CYTH3: variants seen among roughly 807,000 people sequenced by gnomAD.
The protein encoded by CYTH3 is cytohesin-3.
In CYTH3, 23 loss-of-function variants were observed where a neutral mutation model predicts 55.1. That is an observed-to-expected ratio of 0.42 (90% CI 0.30 to 0.59). The LOEUF is 0.59. CYTH3 is among the 20% of genes least tolerant of loss of function. The pLI is 0.20. For missense variants in CYTH3, 413 were observed against 524.8 expected, an observed-to-expected ratio of 0.79 and a Z score of 2.08; for synonymous variants, 249 against 194.9, an observed-to-expected ratio of 1.28 and a Z score of -2.31.
rs10266841 is a variant in CYTH3, at chr7:6,164,589, C to A, written c.*355G>T. 22 of 310,670 alleles carry A rather than the reference C, an allele frequency of 7.1e-5. No individual in the cohort carries two copies. The highest frequency in any genetic ancestry group is 6.2e-4 in the East Asian group (8 of 12,870). 19.2% of individuals were successfully genotyped at this position (310,670 alleles called of 1,614,324 possible). On this transcript the variant is annotated 3_prime_UTR_variant, in exon 13 of 13. Coordinates refer to ENST00000350796, the MANE Select transcript of CYTH3 (RefSeq NM_004227.4). Reference sequence around the variant, plus strand: ...ATCCGTCCCGTGTCTGCTGTGGAGACAGCGGAAGCTGCTGTCCTGGCTTCT... The same window carrying A: ...ATCCGTCCCGTGTCTGCTGTGGAGAAAGCGGAAGCTGCTGTCCTGGCTTCT...
intron 1 of CYTH3, among the ~76,000 whole-genome samples, chr7:6,269,165 G>C (rs76191933): frequency 0.076 from 11,619 of 152,150 alleles, 1,221 homozygotes; most frequent in African/African-American, 0.24. Context: ...GCCTGCAGGG[G>C]TGAGTCCCTG....
intron 1 of CYTH3, among the ~76,000 whole-genome samples, chr7:6,195,147 G>C (rs983786531): frequency 6.6e-6 from 1 of 152,054 alleles, no homozygotes; most frequent in Non-Finnish European, 1.5e-5. Flanking sequence ...TAAAAAAAGA[G>C]AACAAATTTA....
intron 1 of CYTH3, among the ~76,000 whole-genome samples, chr7:6,192,780 G>A (rs950778173): frequency 1.7e-4 from 25 of 149,408 alleles, no homozygotes; most frequent in East Asian, 1.0e-3. Flanking sequence ...TGATCCACCC[G>A]TCTTGGCCTC....
chr7:6,237,259 A>T (rs1779547556), intron 1 of CYTH3, among the ~76,000 whole-genome samples: 1 of 152,232 alleles, frequency 6.6e-6, no homozygotes, highest in Non-Finnish European at 1.5e-5. Flanking sequence ...TGCCGCAGGG[A>T]ACACAGTTGC....
At chr7:6,251,190 G>A (rs542006676) in intron 1 of CYTH3, among the ~76,000 whole-genome samples, 3 of 152,204 alleles carry the variant, frequency 2.0e-5, no homozygotes, top group Non-Finnish European at 2.9e-5. Context: ...CAGGAGAATC[G>A]CGTGAATCCA....
chr7:6,204,407 T>C (rs1033678276), intron 1 of CYTH3, among the ~76,000 whole-genome samples: 4 of 152,142 alleles, frequency 2.6e-5, no homozygotes, highest in African/African-American at 7.2e-5. Flanking sequence ...ACAGAGGCAG[T>C]GTACAGGATT....
At chr7:6,187,217 G>A (rs1338805936) in intron 3 of CYTH3, 101 bp from the exon 4 acceptor site, 10 of 1,312,246 alleles carry the variant, frequency 7.6e-6, no homozygotes, top group Non-Finnish European at 1.1e-5. Context: ...CGGGCTCAAG[G>A]AAGCGAAGCA....
chr7:6,187,037 A>G lies in CYTH3; in HGVS notation c.249+13T>C. The G allele has an allele frequency of 6.2e-7, 1 of 1,612,176 alleles. No individual in the cohort carries two copies. The stretch of plus-strand genomic sequence containing the variant: ...ATCTCCTGCAGGCCAGAAAAGGGAG[A>G]GCATTCTCTTACCTTTTTGGGATCC... On this transcript the variant is annotated intron_variant, in intron 4 of 12. Transcript: ENST00000350796.
At chr7:6,194,765 A>G (rs1167244522) in intron 1 of CYTH3, among the ~76,000 whole-genome samples, 2 of 152,214 alleles carry the variant, frequency 1.3e-5, no homozygotes, top group African/African-American at 4.8e-5. Context: ...TCATGACGTC[A>G]AGAGATCGAG....
intron 1 of CYTH3, among the ~76,000 whole-genome samples, chr7:6,239,604 T>C (rs939912087): frequency 3.3e-5 from 5 of 152,010 alleles, no homozygotes; most frequent in Non-Finnish European, 7.3e-5. Flanking sequence ...AATGACTGTG[T>C]AAGTGGAAAA....
At chr7:6,262,907 C>T (rs201130450) in intron 1 of CYTH3, among the ~76,000 whole-genome samples, 3 of 151,302 alleles carry the variant, frequency 2.0e-5, no homozygotes, top group East Asian at 3.9e-4. Context: ...CAACAGAGCG[C>T]GACTCTAATA....
chr7:6,211,631 C>T (rs144434215), intron 1 of CYTH3, among the ~76,000 whole-genome samples: 1 of 152,154 alleles, frequency 6.6e-6, no homozygotes, highest in African/African-American at 2.4e-5. Flanking sequence ...GGTGCCTGGC[C>T]TAAATATATT....
At chr7:6,197,609 A>G (rs1243222006) in intron 1 of CYTH3, among the ~76,000 whole-genome samples, 2 of 152,140 alleles carry the variant, frequency 1.3e-5, no homozygotes, top group Non-Finnish European at 1.5e-5. Context: ...CTTGAACCCA[A>G]GAGGGGGAGA....
intron 5 of CYTH3, among the ~76,000 whole-genome samples, chr7:6,175,605 T>C (rs1464467664): frequency 3.8e-5 from 5 of 132,304 alleles, no homozygotes; most frequent in Non-Finnish European, 7.7e-5. Flanking sequence ...TGGAGTCCAA[T>C]AACATGATTT....
chr7:6,256,900 A>C (rs1284905691), intron 1 of CYTH3, among the ~76,000 whole-genome samples: 3 of 152,226 alleles, frequency 2.0e-5, no homozygotes, highest in South Asian at 4.1e-4. Flanking sequence ...AAGAGCTAGC[A>C]GACTTCAAGA....
At position 6,169,156 on chromosome 7, in the gene CYTH3, G is replaced by A. The variant is rs1461399079; in HGVS notation, c.823+1379C>T. On this transcript the variant is annotated intron_variant, in intron 9 of 12. Transcript: ENST00000350796. The surrounding 1 kb of genome is among the most constrained non-coding windows in gnomAD (Gnocchi z 4.1). Reference sequence around the variant, plus strand: ...AGACCCTAATGGGAATGGCAGACCTGTGGGACTCACACCCTTTCCACCAGC... The same window carrying A: ...AGACCCTAATGGGAATGGCAGACCTATGGGACTCACACCCTTTCCACCAGC... Among the ~76,000 whole-genome samples, 1 of 152,242 alleles carries A rather than the reference G, an allele frequency of 6.6e-6. No individual in the cohort carries two copies. The highest frequency in any genetic ancestry group is 6.5e-5 in the Admixed American group (1 of 15,284).
rs1032204479 is a variant in CYTH3 at position 6,163,933 on chromosome 7, G to A, written c.*1011C>T. 1.3e-5 allele frequency: 2 copies of A among 152,212 alleles called. No individual in the cohort carries two copies. Among genetic ancestry groups the A allele is most frequent in the African/African-American group, 2.4e-5 (1 of 41,438 alleles). 9.4% of individuals were successfully genotyped at this position (152,212 alleles called of 1,614,324 possible). A position where few individuals can be genotyped will look rare whatever the true frequency, so the allele number is the denominator to read the frequency against. The stretch of plus-strand genomic sequence containing the variant: ...ACCTGTATGAAACGCTGCCATGTGT[G>A]TGCATCTAAACAAAACATCAGCAGT... On this transcript the variant is annotated 3_prime_UTR_variant, in exon 13 of 13. Transcript: ENST00000350796.
chr7:6,199,748 A>G (rs1254548378), intron 1 of CYTH3, among the ~76,000 whole-genome samples: 1 of 152,234 alleles, frequency 6.6e-6, no homozygotes, highest in Admixed American at 6.5e-5. Context: ...CTTTCCCTTC[A>G]TGACAGATAC....
intron 4 of CYTH3, among the ~76,000 whole-genome samples, chr7:6,184,290 G>A (rs1035052973): frequency 1.4e-4 from 22 of 151,780 alleles, no homozygotes; most frequent in South Asian, 4.2e-4. Context: ...TCAATCTCCT[G>A]ACCTCATGAT....
Sources: allele counts gnomAD v4.1 joint callset (sites outside exome capture counted in the v4.1 genomes callset), GRCh38; gene constraint gnomAD v4.1.1; non-coding constraint Gnocchi (gnomAD v3.1); transcripts MANE v1.5; gene names NCBI Gene and HGNC (gene_info 2026-07-23, HGNC 2026-07-21).